Variants in ADAMTS9 observed in about 807,000 individuals in gnomAD.
ADAMTS9 encodes ADAM metallopeptidase with thrombospondin type 1 motif 9.
In ADAMTS9, 107 loss-of-function variants were observed where a neutral mutation model predicts 257.1. That is an observed-to-expected ratio of 0.42 (90% CI 0.36 to 0.49). ADAMTS9 has a LOEUF of 0.49. ADAMTS9 is among the 20% of genes least tolerant of loss of function. The pLI is 0.03. For missense variants in ADAMTS9, 2,353 were observed against 2,469.1 expected (o/e 0.95, Z 1.00); for synonymous variants, 982 against 880.9 (o/e 1.11, Z -2.03).
At chr3:64,609,647 A>C (rs1028575836) in intron 22 of ADAMTS9, among the ~76,000 whole-genome samples, 15 of 152,206 alleles carry the variant, frequency 9.9e-5, no homozygotes, top group Non-Finnish European at 1.5e-5. Context: ...TAAATAAATA[A>C]AAAGATATTA....
chr3:64,519,044 C>T (rs993280168), intron 39 of ADAMTS9, among the ~76,000 whole-genome samples: 30 of 152,066 alleles, frequency 2.0e-4, no homozygotes, highest in Non-Finnish European at 3.8e-4. Flanking sequence ...TCCCAAAATG[C>T]TGGAATTACA....
chr3:64,553,243 G>A (rs1033856551), intron 30 of ADAMTS9, among the ~76,000 whole-genome samples: 4 of 152,048 alleles, frequency 2.6e-5, no homozygotes, highest in Non-Finnish European at 5.9e-5. Context: ...GCAAACACCA[G>A]TCTGCTTTCT....
chr3:64,655,971 T>A (rs1701059777), intron 4 of ADAMTS9, 96 bp from the exon 5 acceptor site: 3 of 695,492 alleles, frequency 4.3e-6, no homozygotes, highest in Non-Finnish European at 7.1e-6. Flanking sequence ...TTTTTTACGT[T>A]TCTTGCAACA....
At chr3:64,552,220 C>T (rs1036146071) in intron 30 of ADAMTS9, among the ~76,000 whole-genome samples, 1 of 152,196 alleles carries the variant, frequency 6.6e-6, no homozygotes, top group African/African-American at 2.4e-5. Context: ...TATGTTTATT[C>T]CCATAAGCCA....
In ADAMTS9 at chr3:64,643,123, C is replaced by T. The variant is rs531130633; in HGVS notation, c.1711-1130G>A. Reference sequence around the variant, plus strand: ...GGCTTAAGATGTTCTGCATCTGAACCCTGGGTGACTCAGGACCCATGAAAT... The same window carrying T: ...GGCTTAAGATGTTCTGCATCTGAACTCTGGGTGACTCAGGACCCATGAAAT... On this transcript the variant is annotated intron_variant, in intron 11 of 39. Transcript: ENST00000498707. Among the ~76,000 whole-genome samples, 5 of 152,266 alleles carry T rather than the reference C, an allele frequency of 3.3e-5. No individual in the cohort carries two copies. The South Asian group carries it at 1.0e-3, about 32-fold the overall frequency.
chr3:64,541,469 C>T (rs185782585), intron 34 of ADAMTS9, 55 bp from the exon 35 acceptor site: 214 of 1,603,792 alleles, frequency 1.3e-4, no homozygotes, highest in Admixed American at 9.7e-4. Flanking sequence ...GTAATGAGAG[C>T]GGTGATCACT....
intron 38 of ADAMTS9, among the ~76,000 whole-genome samples, chr3:64,526,307 T>C (rs2082909389): frequency 6.6e-6 from 1 of 151,950 alleles, no homozygotes; most frequent in Non-Finnish European, 1.5e-5. Context: ...TGCACAACTA[T>C]GATATATCGA....
At chr3:64,534,625 G>A (rs1018175526) in intron 37 of ADAMTS9, among the ~76,000 whole-genome samples, 2 of 152,126 alleles carry the variant, frequency 1.3e-5, no homozygotes, top group African/African-American at 4.8e-5. Context: ...ACTAACAAAA[G>A]TTTATAAACA....
chr3:64,567,502 T>C (rs1479166687), intron 29 of ADAMTS9, among the ~76,000 whole-genome samples: 2 of 152,116 alleles, frequency 1.3e-5, no homozygotes, highest in African/African-American at 2.4e-5. Flanking sequence ...AATGTGCAAG[T>C]GTGGAGTTAC....
intron 28 of ADAMTS9, chr3:64,588,417 T>A (rs905503629): frequency 6.9e-6 from 1 of 145,132 alleles, no homozygotes; most frequent in Admixed American, 7.0e-5. Context: ...TGTTAAAAAT[T>A]GATTTTTTTT....
At chr3:64,566,122 T>A (rs1301107465) in intron 29 of ADAMTS9, among the ~76,000 whole-genome samples, 1 of 152,190 alleles carries the variant, frequency 6.6e-6, no homozygotes, top group African/African-American at 2.4e-5. Flanking sequence ...AAAGACCAGA[T>A]ATAAAATCTT....
intron 29 of ADAMTS9, 49 bp from the exon 30 acceptor site, chr3:64,561,800 G>T (rs780029734): frequency 7.7e-6 from 7 of 910,150 alleles, no homozygotes; most frequent in South Asian, 1.4e-5. Flanking sequence ...TTTATTTTTT[G>T]GGGGGGCGGG....
At chr3:64,658,900 A>G in intron 3 of ADAMTS9, 109 bp from the exon 4 acceptor site, 1 of 1,193,240 alleles carries the variant, frequency 8.4e-7, no homozygotes. Context: ...AACTACATAC[A>G]AAAACAAGTC....
In ADAMTS9 at chr3:64,568,352, G is replaced by A. The variant is rs993538407; in HGVS notation, c.4524+16C>T. On this transcript the variant is annotated intron_variant, in intron 29 of 39. Transcript: ENST00000498707. ...AAACGTAAGGAAGCAGTCAGTAGAG[G>A]AGAAGCATTGCTCACCTGACTCCAA... 11 of 1,603,164 alleles carry A rather than the reference G, an allele frequency of 6.9e-6. No homozygotes were observed. The highest frequency in any genetic ancestry group is 1.1e-5 in the South Asian group (1 of 89,470).
intron 2 of ADAMTS9, among the ~76,000 whole-genome samples, chr3:64,684,347 A>ATGAAAT (rs766185471): frequency 0.3 from 45,230 of 152,004 alleles, 7,264 homozygotes; most frequent in East Asian, 0.44. Flanking sequence ...CGGGCGACCC[A>ATGAAAT]TCTCAGATGA....
intron 28 of ADAMTS9, among the ~76,000 whole-genome samples, chr3:64,579,526 G>T (rs1378078905): frequency 6.6e-6 from 1 of 151,812 alleles, no homozygotes; most frequent in East Asian, 1.9e-4. Flanking sequence ...TTCGTAGCTT[G>T]TCTCCACTCT....
rs187180568 is a variant in ADAMTS9, at chr3:64,666,248, T to A, written c.680-7457A>T. On this transcript the variant is annotated intron_variant, in intron 3 of 39. Transcript: ENST00000498707. ...AGCAAATACCAGCCAGGCCTCGTTA[T>A]TCAGTGGTTACTCACTGAAGTGTTT... Among the ~76,000 whole-genome samples the A allele has an allele frequency of 6.8e-3, 1,033 of 152,360 alleles. 10 individuals are homozygous for A. Among genetic ancestry groups the A allele is most frequent in the Middle Eastern group, 0.034 (10 of 294 alleles).
intron 28 of ADAMTS9, among the ~76,000 whole-genome samples, chr3:64,581,567 G>T (rs1182697259): frequency 6.6e-6 from 1 of 151,994 alleles, no homozygotes; most frequent in Non-Finnish European, 1.5e-5. Context: ...ATTTTTTAGG[G>T]ATTCTTTCCT....
chr3:64,561,081 A>G (rs374559479), intron 30 of ADAMTS9, among the ~76,000 whole-genome samples: 3 of 113,818 alleles, frequency 2.6e-5, no homozygotes, highest in Non-Finnish European at 5.3e-5. Context: ...TTTTTTTTTT[A>G]AATGTTAGAA....
Sources: gnomAD v4.1 joint callset for allele counts (sites outside exome capture counted in the v4.1 genomes callset) on GRCh38, gnomAD v4.1.1 for gene constraint, MANE v1.5 for transcripts, NCBI Gene and HGNC (gene_info 2026-07-23, HGNC 2026-07-21) for gene names.